Variants in CNTN4 observed in about 807,000 individuals in gnomAD.
CNTN4 encodes the protein contactin-4.
Under a neutral mutation model 122.5 loss-of-function variants are expected in CNTN4, and 77 were observed. The observed-to-expected ratio is 0.63, with a 90% CI of 0.52 to 0.76. The LOEUF is 0.76. CNTN4 is among the 30% of genes least tolerant of loss of function. The pLI is 0.00. For synonymous variants in CNTN4, 512 were observed against 447.0 expected (o/e 1.15, Z -1.83); for missense variants, 1,256 against 1,259.1 (o/e 1.00, Z 0.04).
At chr3:2,551,880 C>G (rs2078523350) in intron 3 of CNTN4, among the ~76,000 whole-genome samples, 1 of 151,900 alleles carries the variant, frequency 6.6e-6, no homozygotes, top group South Asian at 2.1e-4. Context: ...CATTTACAGC[C>G]TAAATATTGC....
At chr3:2,595,136 G>A (rs911059588) in intron 4 of CNTN4, among the ~76,000 whole-genome samples, 1 of 152,118 alleles carries the variant, frequency 6.6e-6, no homozygotes, top group Non-Finnish European at 1.5e-5. Context: ...ATGTCTTAAG[G>A]TTCCATTGAC....
intron 2 of CNTN4, among the ~76,000 whole-genome samples, chr3:2,198,778 AAC>A (rs2037962207): frequency 6.6e-6 from 1 of 152,154 alleles, no homozygotes; most frequent in African/African-American, 2.4e-5. Flanking sequence ...TTTATTTGAA[AAC>A]CAGCTCTTAT....
chr3:2,829,758 G>A (rs191375742), intron 7 of CNTN4, among the ~76,000 whole-genome samples: 4 of 152,254 alleles, frequency 2.6e-5, no homozygotes, highest in South Asian at 2.1e-4. Flanking sequence ...AGTAACGAAC[G>A]TTTCCTGGTC....
intron 3 of CNTN4, among the ~76,000 whole-genome samples, chr3:2,567,703 T>C (rs1208303880): frequency 1.3e-5 from 2 of 152,214 alleles, no homozygotes; most frequent in African/African-American, 2.4e-5. Flanking sequence ...CTTTTCATTT[T>C]CTTGCACTGC....
chr3:2,516,812 G>T (rs536012969), intron 3 of CNTN4, among the ~76,000 whole-genome samples: 2 of 152,262 alleles, frequency 1.3e-5, no homozygotes, highest in East Asian at 3.9e-4. Context: ...AGAATTTAGA[G>T]AAGCTGACTA....
chr3:2,587,763 C>G (rs1377185823), intron 4 of CNTN4, among the ~76,000 whole-genome samples: 2 of 151,984 alleles, frequency 1.3e-5, no homozygotes, highest in African/African-American at 4.8e-5. Flanking sequence ...TAGAGGAAAT[C>G]AATATTATGA....
chr3:2,563,196 T>C (rs937956879), intron 3 of CNTN4, among the ~76,000 whole-genome samples: 1 of 152,218 alleles, frequency 6.6e-6, no homozygotes, highest in Non-Finnish European at 1.5e-5. Context: ...TTGGGAGTGA[T>C]AGAAATATTC....
At chr3:2,534,298 G>T (rs570769729) in intron 3 of CNTN4, among the ~76,000 whole-genome samples, 1 of 152,094 alleles carries the variant, frequency 6.6e-6, no homozygotes, top group African/African-American at 2.4e-5. Flanking sequence ...TGTAAGGAAG[G>T]GATCCAGTTT....
At chr3:2,646,948 A>G (rs901249596) in intron 4 of CNTN4, among the ~76,000 whole-genome samples, 2 of 152,228 alleles carry the variant, frequency 1.3e-5, no homozygotes, top group Non-Finnish European at 2.9e-5. Context: ...ACCAGGGGTT[A>G]GGGCTTCAGC....
intron 2 of CNTN4, among the ~76,000 whole-genome samples, chr3:2,169,673 A>T (rs1405223281): frequency 1.3e-5 from 2 of 152,122 alleles, no homozygotes; most frequent in Admixed American, 1.3e-4. Context: ...CTGGGATTAC[A>T]GGCGTGAGCC....
chr3:2,848,473 A>C (rs965379659), intron 7 of CNTN4, among the ~76,000 whole-genome samples: 2 of 152,228 alleles, frequency 1.3e-5, no homozygotes, highest in Non-Finnish European at 2.9e-5. Flanking sequence ...ATGCTTGTTA[A>C]GATTATGTAA....
At chr3:2,954,503 C>T (rs371047297) in intron 13 of CNTN4, among the ~76,000 whole-genome samples, 1 of 148,782 alleles carries the variant, frequency 6.7e-6, no homozygotes, top group African/African-American at 2.5e-5. Flanking sequence ...TTTCTCTGAC[C>T]TTTGAATTTC....
chr3:2,352,995 G>T (rs1196559437), intron 3 of CNTN4, among the ~76,000 whole-genome samples: 1 of 152,118 alleles, frequency 6.6e-6, no homozygotes. Context: ...CTAGCTAAAG[G>T]ATTGTGAATG....
intron 3 of CNTN4, among the ~76,000 whole-genome samples, chr3:2,466,970 C>CTTTCTTTTTTTTT (rs1392656721): frequency 6.9e-5 from 8 of 115,808 alleles, no homozygotes; most frequent in African/African-American, 2.4e-4. Flanking sequence ...TTCTTTCTTT[C>CTTTCTTTTTTTTT]TTTTTTTTTT....
chr3:2,853,173 CAG>C (rs1156260089), intron 7 of CNTN4, among the ~76,000 whole-genome samples: 6 of 142,016 alleles, frequency 4.2e-5, no homozygotes, highest in Non-Finnish European at 7.8e-5. Flanking sequence ...CTTTTTATCA[CAG>C]GGGACGGAAA....
intron 4 of CNTN4, chr3:2,629,609 G>C: frequency 2.3e-6 from 1 of 442,030 alleles, no homozygotes; most frequent in Non-Finnish European, 4.5e-6. Context: ...AAATAGAAAA[G>C]CCTAAGTTAC....
intron 2 of CNTN4, among the ~76,000 whole-genome samples, chr3:2,147,636 C>A (rs1299607048): frequency 6.6e-6 from 1 of 152,114 alleles, no homozygotes; most frequent in African/African-American, 2.4e-5. Context: ...GCTTCAATCC[C>A]ATTATTTCCC....
chr3:2,614,430 A>G (rs2081625728), intron 4 of CNTN4, among the ~76,000 whole-genome samples: 1 of 152,216 alleles, frequency 6.6e-6, no homozygotes, highest in African/African-American at 2.4e-5. Flanking sequence ...ACAAGGTAAC[A>G]TACTGGATAA....
intron 3 of CNTN4, among the ~76,000 whole-genome samples, chr3:2,339,996 C>T (rs1191066212): frequency 3.9e-5 from 6 of 152,194 alleles, no homozygotes; most frequent in Non-Finnish European, 8.8e-5. Context: ...CCTCTATCTT[C>T]AGTTCACGTG....
Sources: allele counts gnomAD v4.1 joint callset (sites outside exome capture counted in the v4.1 genomes callset), GRCh38; gene constraint gnomAD v4.1.1; transcripts MANE v1.5; gene names NCBI Gene and HGNC (gene_info 2026-07-23, HGNC 2026-07-21).